The following SRSF12 variants were observed in gnomAD, a reference collection of about 807,000 sequenced individuals.
SRSF12 encodes serine and arginine rich splicing factor 12, also known as serine/arginine-rich splicing factor 12.
SRSF12 carries 21 observed loss-of-function variants against 34.1 expected under a neutral mutation model. The ratio of observed to expected loss-of-function variants is 0.62; its 90% CI spans 0.44 to 0.89. The LOEUF is 0.89. SRSF12 is among the 40% of genes least tolerant of loss of function. The pLI, the probability that SRSF12 is intolerant of heterozygous loss-of-function variation, is 0.00. For missense variants in SRSF12, 278 were observed against 327.8 expected, an observed-to-expected ratio of 0.85 and a Z score of 1.17; for synonymous variants, 111 against 110.8, an observed-to-expected ratio of 1.00 and a Z score of -0.01.
At chr6:89,115,443 T>G (rs901211386) in intron 1 of SRSF12, among the ~76,000 whole-genome samples, 11 of 150,988 alleles carry the variant, frequency 7.3e-5, no homozygotes, top group Non-Finnish European at 1.6e-4. Flanking sequence ...CCACCACACC[T>G]GGCTAATTTT....
intron 1 of SRSF12, among the ~76,000 whole-genome samples, chr6:89,109,912 A>C (rs1371749925): frequency 1.3e-5 from 2 of 152,148 alleles, no homozygotes; most frequent in Non-Finnish European, 2.9e-5. Context: ...TAAGAGGGTG[A>C]AACCCCATCT....
At chr6:89,103,095 T>G (rs56055531) in intron 4 of SRSF12, among the ~76,000 whole-genome samples, 9,834 of 152,088 alleles carry the variant, frequency 0.065, 936 homozygotes, top group African/African-American at 0.21. Flanking sequence ...GAAAAACTGG[T>G]GTCAGGGAGG....
chr6:89,112,489 C>G (rs1193504491), intron 1 of SRSF12, among the ~76,000 whole-genome samples: 2 of 149,152 alleles, frequency 1.3e-5, no homozygotes, highest in Non-Finnish European at 3.0e-5. Flanking sequence ...CTCTGTTGCC[C>G]AGGCTGCAGT....
At chr6:89,103,795 C>G (rs1252377968) in intron 4 of SRSF12, among the ~76,000 whole-genome samples, 4 of 152,040 alleles carry the variant, frequency 2.6e-5, no homozygotes, top group Non-Finnish European at 4.4e-5. Flanking sequence ...CACTATTATT[C>G]TAATAGAAAT....
chr6:89,104,223 CTTTTT>C (rs138798211), intron 4 of SRSF12, among the ~76,000 whole-genome samples: 232 of 123,512 alleles, frequency 1.9e-3, no homozygotes, highest in Middle Eastern at 4.3e-3. Context: ...AACTCATCAC[CTTTTT>C]TTTTTTTTTT....
intron 4 of SRSF12, among the ~76,000 whole-genome samples, chr6:89,100,863 G>C (rs1468732610): frequency 6.6e-6 from 1 of 152,066 alleles, no homozygotes; most frequent in Non-Finnish European, 1.5e-5. Context: ...ATCCCACTTT[G>C]GGAGGCCAAG....
rs572400295 is a variant in SRSF12 at position 89,112,871 on chromosome 6, C to A, written c.65+4952G>T. On this transcript the variant is annotated intron_variant, in intron 1 of 4. Coordinates refer to ENST00000452027, the MANE Select transcript of SRSF12 (RefSeq NM_080743.5). ...TAGACAGGTGTACCTTTTAAAAAAT[C>A]TTTTACACCATATTTTTAGTGTCTT... 1.1e-3 allele frequency among the ~76,000 whole-genome samples: 166 copies of A among 152,216 alleles called. 1 individual carries two copies. The highest frequency in any genetic ancestry group is 3.8e-3 in the African/African-American group (159 of 41,524).
intron 4 of SRSF12, among the ~76,000 whole-genome samples, chr6:89,099,178 T>C (rs1051333822): frequency 2.6e-5 from 4 of 151,958 alleles, no homozygotes; most frequent in Non-Finnish European, 5.9e-5. Context: ...GCTAGACATA[T>C]AGGGATCAGT....
At position 89,097,807 on chromosome 6, in the gene SRSF12, T is replaced by C. The variant is rs1768331011; in HGVS notation, c.*771A>G. On this transcript the variant is annotated 3_prime_UTR_variant, in exon 5 of 5. Transcript: ENST00000452027. ...GTATCAAATATGATTTTATACAAAA[T>C]GTACCATTCTTCAAATGTGTAAGTC... 1.3e-5 allele frequency: 2 copies of C among 152,224 alleles called. No individual in the cohort carries two copies. The highest frequency in any genetic ancestry group is 4.1e-4 in the South Asian group (2 of 4,838). The allele number at this position is 152,224 out of a possible 1,614,324, so 9.4% of individuals were successfully genotyped here.
chr6:89,112,791 C>A (rs1769120440), intron 1 of SRSF12, among the ~76,000 whole-genome samples: 1 of 152,128 alleles, frequency 6.6e-6, no homozygotes, highest in South Asian at 2.1e-4. Flanking sequence ...ATGTTTCAGT[C>A]AATGATGAAC....
Position 89,096,109 on chromosome 6 carries a change from C to A in SRSF12, c.*2469G>T, listed in dbSNP as rs867590823. 1 of 152,194 alleles carries A rather than the reference C, an allele frequency of 6.6e-6. No homozygotes were observed. The highest frequency in any genetic ancestry group is 1.5e-5 in the Non-Finnish European group (1 of 68,044). 9.4% of individuals were successfully genotyped at this position (152,194 alleles called of 1,614,324 possible). A position where few individuals can be genotyped will look rare whatever the true frequency, so the allele number is the denominator to read the frequency against. Reference sequence around the variant, plus strand: ...CAGCCAAACAATTTTCACCTAGTCACAAAAGTCATTTTCATCGAAGCCTAC... The same window carrying A: ...CAGCCAAACAATTTTCACCTAGTCAAAAAAGTCATTTTCATCGAAGCCTAC... On this transcript the variant is annotated 3_prime_UTR_variant, in exon 5 of 5. Coordinates refer to ENST00000452027, the MANE Select transcript of SRSF12 (RefSeq NM_080743.5).
rs200613936 is a variant in SRSF12, at chr6:89,111,622, A to AT, written c.66-4365dup. Among the ~76,000 whole-genome samples the AT allele has an allele frequency of 7.2e-5, 11 of 151,872 alleles. No homozygotes were observed. The South Asian group carries it at 1.0e-3, about 14-fold the overall frequency. ...TTACTTTTATCTTTCCAATTTTTGTATTTTATATCTTTTTTCTTGCCTTGT... is the reference window on the plus strand; with the variant it reads ...TTACTTTTATCTTTCCAATTTTTGTATTTTTATATCTTTTTTCTTGCCTTGT... On this transcript the variant is annotated intron_variant, in intron 1 of 4. Transcript: ENST00000452027.
In SRSF12 at chr6:89,098,675, C is replaced by T; in HGVS notation, c.689G>A (p.Gly230Glu). ...IARSPCKSPK[G>E]YTNSETKVQT... Reference sequence around the variant, plus strand: ...TACTTTAGTTTCAGAATTGGTATACCCTTTGGGAGATTTACACGGGGATCT... The same window carrying T: ...TACTTTAGTTTCAGAATTGGTATACTCTTTGGGAGATTTACACGGGGATCT... The change falls in exon 5 of 5, where the codon GGG becomes GAG. Residue 230 changes from glycine (G) to glutamate (E), a missense_variant. By Grantham distance (98) the Gly-to-Glu change is moderately conservative. Coordinates refer to ENST00000452027, the MANE Select transcript of SRSF12 (RefSeq NM_080743.5). 1 of 1,613,738 alleles carries T rather than the reference C, an allele frequency of 6.2e-7. No homozygotes were observed. The highest frequency in any genetic ancestry group is 2.2e-5 in the East Asian group (1 of 44,870).
chr6:89,117,973 T>C lies in SRSF12; in HGVS notation c.-86A>G. 4 of 1,414,348 alleles carry C rather than the reference T, an allele frequency of 2.8e-6. No homozygotes were observed. Among genetic ancestry groups the C allele is most frequent in the Non-Finnish European group, 3.8e-6 (4 of 1,055,148 alleles). The allele number at this position is 1,414,348 out of a possible 1,614,324, so 87.6% of individuals were successfully genotyped here. ...CTACCGCTGCTACCACCACAGGAGC[T>C]CCGCCGGCCCCCGGCGCGACCCCCA... is the stretch of plus-strand genomic sequence containing the variant. On this transcript the variant is annotated 5_prime_UTR_variant, in exon 1 of 5. Coordinates refer to ENST00000452027, the MANE Select transcript of SRSF12 (RefSeq NM_080743.5).
intron 1 of SRSF12, among the ~76,000 whole-genome samples, chr6:89,111,441 G>C (rs1417456891): frequency 2.6e-5 from 4 of 152,040 alleles, no homozygotes; most frequent in African/African-American, 9.7e-5. Flanking sequence ...TTTTAAAATT[G>C]TCATTGTTTT....
chr6:89,111,728 A>T (rs1417089820), intron 1 of SRSF12, among the ~76,000 whole-genome samples: 1 of 152,168 alleles, frequency 6.6e-6, no homozygotes, highest in Non-Finnish European at 1.5e-5. Context: ...TAAGGAAAGC[A>T]TTGTCTTTCA....
At chr6:89,099,077 T>C in intron 4 of SRSF12, 130 bp from the exon 5 acceptor site, 1 of 1,182,562 alleles carries the variant, frequency 8.5e-7, no homozygotes, top group Non-Finnish European at 1.1e-6. Flanking sequence ...AAAAAATTTC[T>C]CATTTTATTA....
intron 4 of SRSF12, among the ~76,000 whole-genome samples, chr6:89,104,797 A>C (rs982667645): frequency 2.0e-5 from 3 of 152,140 alleles, no homozygotes; most frequent in Non-Finnish European, 4.4e-5. Context: ...TCACACCTGT[A>C]ATCCTAGCAC....
At chr6:89,100,692 G>A (rs1590957) in intron 4 of SRSF12, among the ~76,000 whole-genome samples, 99,474 of 152,130 alleles carry the variant, frequency 0.65, 33,318 homozygotes, top group East Asian at 0.78. Flanking sequence ...TAAAAAGATC[G>A]TTCAGTGGAA....
Sources: allele counts gnomAD v4.1 joint callset (sites outside exome capture counted in the v4.1 genomes callset), GRCh38; gene constraint gnomAD v4.1.1; transcripts MANE v1.5; gene names NCBI Gene and HGNC (gene_info 2026-07-23, HGNC 2026-07-21).